The following VAV3 variants were observed in gnomAD, a reference collection of about 807,000 sequenced individuals.
VAV3 encodes guanine nucleotide exchange factor VAV3.
In VAV3, 94 loss-of-function variants were observed where a neutral mutation model predicts 131.2. The ratio of observed to expected loss-of-function variants is 0.72; its 90% CI spans 0.61 to 0.85. VAV3 has a LOEUF of 0.85. Ranked by LOEUF, VAV3 falls within the 40% of genes least tolerant of loss-of-function variation. The pLI, the probability that VAV3 is intolerant of heterozygous loss-of-function variation, is 0.00. For missense variants in VAV3, 939 were observed against 1,002.7 expected, an observed-to-expected ratio of 0.94 and a Z score of 0.86; for synonymous variants, 349 against 342.0, an observed-to-expected ratio of 1.02 and a Z score of -0.22.
At chr1:107,792,299 C>T (rs933588245) in intron 2 of VAV3, among the ~76,000 whole-genome samples, 1 of 152,150 alleles carries the variant, frequency 6.6e-6, no homozygotes, top group Non-Finnish European at 1.5e-5. Context: ...TGTTAAAATA[C>T]ATTAAGTATT....
intron 1 of VAV3, among the ~76,000 whole-genome samples, chr1:107,914,354 G>A (rs988577398): frequency 2.6e-5 from 4 of 152,150 alleles, no homozygotes; most frequent in Non-Finnish European, 5.9e-5. Flanking sequence ...TCTGGAGCTC[G>A]CAGCCTGGTT....
chr1:107,587,079 A>G (rs1217295999), intron 25 of VAV3, among the ~76,000 whole-genome samples: 3 of 152,078 alleles, frequency 2.0e-5, no homozygotes, highest in Non-Finnish European at 2.9e-5. Context: ...ATACAAGAAG[A>G]GTTTCTCTGG....
intron 22 of VAV3, 85 bp downstream of exon 22, chr1:107,609,846 T>G (rs929521302): frequency 1.5e-6 from 2 of 1,339,866 alleles, no homozygotes; most frequent in South Asian, 2.4e-5. Context: ...AAATGGAATA[T>G]GGTTTACTAC....
chr1:107,638,557 G>A lies in VAV3; in HGVS notation c.1914+4062C>T, dbSNP rs143210507. On this transcript the variant is annotated intron_variant, in intron 20 of 26. Transcript: ENST00000370056. ...CCTAAATAAATGAGGAGTATAGTAT[G>A]TTCAGTGATTAGAAGACTCAGTCTT... 1.1e-3 allele frequency among the ~76,000 whole-genome samples: 172 copies of A among 152,254 alleles called. 1 individual carries two copies. The highest frequency in any genetic ancestry group is 3.8e-3 in the African/African-American group (158 of 41,562).
intron 19 of VAV3, chr1:107,668,619 G>C: frequency 3.0e-6 from 3 of 984,862 alleles, no homozygotes; most frequent in Non-Finnish European, 3.6e-6. Context: ...TAGAATAAGA[G>C]ATTAGCAAAC....
intron 15 of VAV3, among the ~76,000 whole-genome samples, chr1:107,737,014 C>A (rs973365366): frequency 6.6e-6 from 1 of 152,028 alleles, no homozygotes; most frequent in Admixed American, 6.6e-5. Context: ...GAGATATAGA[C>A]CAATGGAACA....
At chr1:107,610,450 T>G (rs1166967526) in intron 21 of VAV3, among the ~76,000 whole-genome samples, 1 of 152,074 alleles carries the variant, frequency 6.6e-6, no homozygotes, top group Non-Finnish European at 1.5e-5. Context: ...AGTGAAAACA[T>G]TATTAAGAAA....
chr1:107,745,192 C>CAA (rs370487020), intron 15 of VAV3, among the ~76,000 whole-genome samples: 1 of 145,342 alleles, frequency 6.9e-6, no homozygotes, highest in African/African-American at 2.5e-5. Context: ...CAGTTAGTGA[C>CAA]AAAAAAAAAA....
rs534605863 is a variant in VAV3 at position 107,587,370 on chromosome 1, A to AT, written c.2350+8841dup. On this transcript the variant is annotated intron_variant, in intron 25 of 26. Coordinates refer to ENST00000370056, the MANE Select transcript of VAV3 (RefSeq NM_006113.5). ...TCAGTCATATATCAGGAAAAAAGAGATATCAGCATTGATCCTCATAACTAG... is the reference window on the plus strand; with the variant it reads ...TCAGTCATATATCAGGAAAAAAGAGATTATCAGCATTGATCCTCATAACTAG... Among the ~76,000 whole-genome samples, 32 of 152,282 alleles carry AT rather than the reference A, an allele frequency of 2.1e-4. No homozygotes were observed. In the East Asian group the frequency reaches 2.9e-3, roughly 14 times the overall value.
rs186770393 is a variant in VAV3, at chr1:107,871,783, C to A, written c.321+3118G>T. ...AGATTCAAAATAAATCTCCTAAACC[C>A]CAAACAGAGGGAGAGCTTGGACAAA... On this transcript the variant is annotated intron_variant, in intron 2 of 26. Transcript: ENST00000370056. Among the ~76,000 whole-genome samples, 23 of 152,162 alleles carry A rather than the reference C, an allele frequency of 1.5e-4. No homozygotes were observed. The East Asian group carries it at 3.5e-3, about 23-fold the overall frequency.
At chr1:107,866,455 T>C (rs1375256039) in intron 2 of VAV3, among the ~76,000 whole-genome samples, 1 of 152,068 alleles carries the variant, frequency 6.6e-6, no homozygotes, top group Non-Finnish European at 1.5e-5. Context: ...AGAAAACACC[T>C]AGAAGACAAT....
At chr1:107,612,812 A>C (rs1652855869) in intron 21 of VAV3, among the ~76,000 whole-genome samples, 1 of 152,028 alleles carries the variant, frequency 6.6e-6, no homozygotes, top group African/African-American at 2.4e-5. Flanking sequence ...AGCTGCTGAG[A>C]CTGCTTTAAA....
At chr1:107,803,150 A>G (rs1023330320) in intron 2 of VAV3, among the ~76,000 whole-genome samples, 1 of 151,648 alleles carries the variant, frequency 6.6e-6, no homozygotes, top group Non-Finnish European at 1.5e-5. Context: ...GTTTCTAATG[A>G]TTCTTTTTAT....
chr1:107,911,098 A>G (rs1198239776), intron 1 of VAV3, among the ~76,000 whole-genome samples: 1 of 152,210 alleles, frequency 6.6e-6, no homozygotes, highest in Non-Finnish European at 1.5e-5. Context: ...TCCTAAAAAT[A>G]AAGCAGACTC....
At chr1:107,721,753 C>T (rs909000315) in intron 15 of VAV3, among the ~76,000 whole-genome samples, 3 of 152,130 alleles carry the variant, frequency 2.0e-5, no homozygotes, top group Non-Finnish European at 2.9e-5. Context: ...CGTGATGATG[C>T]TTTAACATCA....
chr1:107,959,700 C>A (rs1674987988), intron 1 of VAV3, among the ~76,000 whole-genome samples: 1 of 152,064 alleles, frequency 6.6e-6, no homozygotes, highest in Non-Finnish European at 1.5e-5. Context: ...TGTGGTATCA[C>A]CCAGTCTCAT....
intron 17 of VAV3, among the ~76,000 whole-genome samples, chr1:107,699,512 G>A (rs1406029511): frequency 6.6e-6 from 1 of 152,190 alleles, no homozygotes; most frequent in Non-Finnish European, 1.5e-5. Flanking sequence ...ACCTACCATT[G>A]TGGAATCTGG....
At chr1:107,735,373 G>A (rs1028278187) in intron 15 of VAV3, among the ~76,000 whole-genome samples, 4 of 152,128 alleles carry the variant, frequency 2.6e-5, no homozygotes, top group South Asian at 2.1e-4. Context: ...AGAACTGAAG[G>A]AGATAGAGAC....
intron 15 of VAV3, among the ~76,000 whole-genome samples, chr1:107,746,041 T>C (rs557674711): frequency 6.6e-6 from 1 of 152,292 alleles, no homozygotes; most frequent in South Asian, 2.1e-4. Flanking sequence ...CCATGACTTA[T>C]CAAAAAGGAG....
Sources: allele counts gnomAD v4.1 joint callset (sites outside exome capture counted in the v4.1 genomes callset), GRCh38; gene constraint gnomAD v4.1.1; transcripts MANE v1.5; gene names NCBI Gene and HGNC (gene_info 2026-07-23, HGNC 2026-07-21).